Variants in LPGAT1 observed in about 807,000 individuals in gnomAD.
The protein encoded by LPGAT1 is acyl-CoA:lysophosphatidylglycerol acyltransferase 1.
LPGAT1 carries 11 observed loss-of-function variants against 47.5 expected under a neutral mutation model. The ratio of observed to expected loss-of-function variants is 0.23; its 90% CI spans 0.15 to 0.38. The LOEUF is 0.38. Ranked by LOEUF, LPGAT1 falls within the 10% of genes least tolerant of loss-of-function variation. The pLI is 1.00. For missense variants in LPGAT1, 293 were observed against 439.0 expected (o/e 0.67, Z 2.97); for synonymous variants, 138 against 144.2 (o/e 0.96, Z 0.31).
intron 6 of LPGAT1, among the ~76,000 whole-genome samples, chr1:211,770,366 T>C (rs1399968169): frequency 6.6e-6 from 1 of 152,214 alleles, no homozygotes; most frequent in Non-Finnish European, 1.5e-5. Context: ...TTGCCCTGTT[T>C]TGCATTTCCC....
At chr1:211,777,384 G>A (rs529984074) in intron 6 of LPGAT1, among the ~76,000 whole-genome samples, 2 of 152,274 alleles carry the variant, frequency 1.3e-5, no homozygotes, top group South Asian at 4.1e-4. Context: ...GAAAAGAAAA[G>A]TATATCTCCT....
intron 6 of LPGAT1, among the ~76,000 whole-genome samples, chr1:211,761,155 T>C (rs1269627241): frequency 6.6e-6 from 1 of 152,318 alleles, no homozygotes; most frequent in Admixed American, 6.5e-5. Flanking sequence ...AAAAGGCTTA[T>C]GCATGCCACC....
At chr1:211,802,185 G>A (rs1195443064) in intron 2 of LPGAT1, among the ~76,000 whole-genome samples, 3 of 151,336 alleles carry the variant, frequency 2.0e-5, no homozygotes, top group East Asian at 1.9e-4. Flanking sequence ...TTTCTATGAA[G>A]CCCCCTGTGC....
intron 6 of LPGAT1, among the ~76,000 whole-genome samples, chr1:211,775,872 G>A (rs1658375368): frequency 6.6e-6 from 1 of 150,748 alleles, no homozygotes; most frequent in African/African-American, 2.4e-5. Flanking sequence ...CGGAGGTTAC[G>A]GTGAGTCGAG....
intron 6 of LPGAT1, among the ~76,000 whole-genome samples, chr1:211,771,427 CTT>C (rs1658165369): frequency 6.6e-6 from 1 of 152,082 alleles, no homozygotes; most frequent in South Asian, 2.1e-4. Context: ...ACTTCAAACA[CTT>C]TATTGTGTCT....
intron 2 of LPGAT1, among the ~76,000 whole-genome samples, chr1:211,821,804 C>T (rs1660377207): frequency 1.3e-5 from 2 of 152,034 alleles, no homozygotes; most frequent in South Asian, 4.1e-4. Flanking sequence ...AGTAATAAGA[C>T]TGAAATACAA....
Position 211,746,332 on chromosome 1 carries a change from AT to A in LPGAT1, c.*3566del, listed in dbSNP as rs1656940674. On this transcript the variant is annotated 3_prime_UTR_variant, in exon 8 of 8. Transcript: ENST00000366997. ...CTTGAGAACAATGCCAATACTGCCA[AT>A]TTTTGATTATTCAGGGATGCTTTTC... The A allele has an allele frequency of 6.6e-6, 1 of 152,548 alleles. No individual in the cohort carries two copies. Among genetic ancestry groups the A allele is most frequent in the Non-Finnish European group, 1.5e-5 (1 of 68,026 alleles). 9.4% of individuals were successfully genotyped at this position (152,548 alleles called of 1,614,324 possible).
chr1:211,796,066 C>T (rs778314215), intron 2 of LPGAT1, among the ~76,000 whole-genome samples: 1 of 151,716 alleles, frequency 6.6e-6, no homozygotes, highest in Non-Finnish European at 1.5e-5. Flanking sequence ...TACTAGATAC[C>T]TAGGCCCATG....
At chr1:211,807,625 T>G (rs962557459) in intron 2 of LPGAT1, among the ~76,000 whole-genome samples, 3 of 152,186 alleles carry the variant, frequency 2.0e-5, no homozygotes, top group Non-Finnish European at 4.4e-5. Context: ...AAATGATCTT[T>G]GACAAAGATG....
In LPGAT1 at chr1:211,793,219, T is replaced by C. The variant is rs758990027; in HGVS notation, c.239-29A>G. 1.0e-4 allele frequency: 150 copies of C among 1,457,716 alleles called. 1 individual carries two copies. In the South Asian group the frequency reaches 1.7e-3, roughly 16 times the overall value. 90.3% of individuals were successfully genotyped at this position (1,457,716 alleles called of 1,614,324 possible). A position where few individuals can be genotyped will look rare whatever the true frequency, so the allele number is the denominator to read the frequency against. On this transcript the variant is annotated intron_variant, in intron 2 of 7. Coordinates refer to ENST00000366997, the MANE Select transcript of LPGAT1 (RefSeq NM_014873.3). The stretch of plus-strand genomic sequence containing the variant: ...TAAGAACAAAAAAGTTTCAAAGCTG[T>C]CATTTTAAAGATTTTTATATTATCA...
At chr1:211,752,564 C>T (rs925624059) in intron 6 of LPGAT1, among the ~76,000 whole-genome samples, 2 of 152,192 alleles carry the variant, frequency 1.3e-5, no homozygotes, top group African/African-American at 4.8e-5. Context: ...CCTTTATTGT[C>T]CTGTACCTAA....
chr1:211,765,215 A>G (rs112762936), intron 6 of LPGAT1, among the ~76,000 whole-genome samples: 164 of 152,326 alleles, frequency 1.1e-3, no homozygotes, highest in Non-Finnish European at 2.1e-3. Context: ...GAAAAGTTGT[A>G]AAAATAGTAT....
chr1:211,773,780 T>C (rs989879738), intron 6 of LPGAT1, among the ~76,000 whole-genome samples: 4 of 152,196 alleles, frequency 2.6e-5, no homozygotes, highest in African/African-American at 9.7e-5. Context: ...ATAAGCTGTC[T>C]TCCAGTTTGA....
rs987628043 is a variant in LPGAT1, at chr1:211,744,973, A to G, written c.*4926T>C. The G allele has an allele frequency of 6.6e-6, 1 of 152,650 alleles. No individual in the cohort carries two copies. The highest frequency in any genetic ancestry group is 1.5e-5 in the Non-Finnish European group (1 of 68,040). 9.5% of individuals were successfully genotyped at this position (152,650 alleles called of 1,614,324 possible). A position where few individuals can be genotyped will look rare whatever the true frequency, so the allele number is the denominator to read the frequency against. On this transcript the variant is annotated 3_prime_UTR_variant, in exon 8 of 8. Transcript: ENST00000366997. ...GCCCCATCCCCACTGCTAAGAATTA[A>G]AAGCACTTTAATTGAAAAAAATCAA...
At chr1:211,808,844 C>T (rs1256399724) in intron 2 of LPGAT1, among the ~76,000 whole-genome samples, 5 of 152,140 alleles carry the variant, frequency 3.3e-5, no homozygotes, top group East Asian at 3.9e-4. Flanking sequence ...CTTTTTGTTT[C>T]GTGTTTATTT....
At chr1:211,791,682 G>A (rs936946162) in intron 3 of LPGAT1, among the ~76,000 whole-genome samples, 1 of 151,082 alleles carries the variant, frequency 6.6e-6, no homozygotes, top group Non-Finnish European at 1.5e-5. Context: ...AGGAGGCAGA[G>A]GTTGCAGCAA....
At chr1:211,776,589 A>C (rs1353848737) in intron 6 of LPGAT1, among the ~76,000 whole-genome samples, 2 of 152,156 alleles carry the variant, frequency 1.3e-5, no homozygotes, top group Non-Finnish European at 2.9e-5. Context: ...CTAAGTGATC[A>C]CTTCAGTTAA....
chr1:211,748,721 T>TG lies in LPGAT1; in HGVS notation c.*1177dup. The TG allele has an allele frequency of 1.3e-5, 2 of 152,510 alleles. No homozygotes were observed. Among genetic ancestry groups the TG allele is most frequent in the Non-Finnish European group, 1.5e-5 (1 of 68,252 alleles). The allele number at this position is 152,510 out of a possible 1,614,324, so 9.4% of individuals were successfully genotyped here. A position where few individuals can be genotyped will look rare whatever the true frequency, so the allele number is the denominator to read the frequency against. The stretch of plus-strand genomic sequence containing the variant: ...AAAAGAAAAAGCAACTGGAAGAGAT[T>TG]GGGGGGAGCCTTATGTGCTGGTATC... On this transcript the variant is annotated 3_prime_UTR_variant, in exon 8 of 8. Transcript: ENST00000366997.
intron 6 of LPGAT1, among the ~76,000 whole-genome samples, chr1:211,768,497 GAAC>G (rs1348873271): frequency 2.6e-5 from 4 of 152,288 alleles, no homozygotes; most frequent in South Asian, 2.1e-4. Context: ...GCAGGGAAAG[GAAC>G]AACATTTATC....
Sources: allele counts gnomAD v4.1 joint callset (sites outside exome capture counted in the v4.1 genomes callset), GRCh38; gene constraint gnomAD v4.1.1; transcripts MANE v1.5; gene names NCBI Gene and HGNC (gene_info 2026-07-23, HGNC 2026-07-21).